ZNF124: variants seen among roughly 807,000 people sequenced by gnomAD.
ZNF124 encodes zinc finger protein 124.
In ZNF124, 25 loss-of-function variants were observed where a neutral mutation model predicts 26.6. That is an observed-to-expected ratio of 0.94 (90% confidence interval 0.68 to 1.31). The LOEUF is 1.31. Among genes scored for constraint, ZNF124 ranks in the 40% most tolerant of loss-of-function variants. The pLI is 0.00. For missense variants in ZNF124, 444 were observed against 422.2 expected (o/e 1.05, Z -0.45); for synonymous variants, 129 against 133.3 (o/e 0.97, Z 0.22).
intron 1 of ZNF124, among the ~76,000 whole-genome samples, chr1:247,169,447 A>C (rs1157966840): frequency 6.6e-6 from 1 of 152,170 alleles, no homozygotes; most frequent in East Asian, 1.9e-4. Flanking sequence ...ACAAGTGTGA[A>C]AGAATCCAGA....
chr1:247,152,929 C>G (rs1672984759), downstream of ZNF124, among the ~76,000 whole-genome samples: 2 of 152,068 alleles, frequency 1.3e-5, no homozygotes, highest in Non-Finnish European at 2.9e-5. Flanking sequence ...GTCAGGAGAT[C>G]AAGACCATCC....
At chr1:247,158,708 C>T (rs146401773) in intron 3 of ZNF124, among the ~76,000 whole-genome samples, 59 of 152,086 alleles carry the variant, frequency 3.9e-4, no homozygotes, top group African/African-American at 1.4e-3. Context: ...CAGCTCATTG[C>T]AACCTCCGCC....
At chr1:247,159,209 G>T in intron 2 of ZNF124, 143 bp from the exon 3 acceptor site, 1 of 676,276 alleles carries the variant, frequency 1.5e-6, no homozygotes, top group East Asian at 2.8e-5. Context: ...AACATTGTTT[G>T]TGTTATGGGT....
At chr1:247,124,655 TTC>T (rs1408790420) in intron 3 of ZNF124, among the ~76,000 whole-genome samples, 3 of 152,252 alleles carry the variant, frequency 2.0e-5, no homozygotes, top group Non-Finnish European at 4.4e-5. Context: ...CTAATCTACT[TTC>T]TGTCTCTATT....
At chr1:247,138,932 C>A (rs1423096479) in intron 3 of ZNF124, among the ~76,000 whole-genome samples, 1 of 152,248 alleles carries the variant, frequency 6.6e-6, no homozygotes. Flanking sequence ...CTGACTGCCT[C>A]ATTTTGGAGA....
chr1:247,149,075 G>A (rs1672860017), intron 3 of ZNF124, among the ~76,000 whole-genome samples: 2 of 152,114 alleles, frequency 1.3e-5, no homozygotes, highest in African/African-American at 4.8e-5. Flanking sequence ...AAATTGTCCA[G>A]GTATTTATTT....
chr1:247,133,222 A>G (rs1400851834), intron 3 of ZNF124, among the ~76,000 whole-genome samples: 1 of 152,166 alleles, frequency 6.6e-6, no homozygotes, highest in East Asian at 1.9e-4. Flanking sequence ...GAAATAAGAC[A>G]TGCAGACAAG....
intron 3 of ZNF124, among the ~76,000 whole-genome samples, chr1:247,140,313 TG>T (rs1672594644): frequency 6.6e-6 from 1 of 152,254 alleles, no homozygotes; most frequent in Non-Finnish European, 1.5e-5. Flanking sequence ...TCTTGTAGTG[TG>T]TTTTTCTGCT....
At position 247,157,934 on chromosome 1, in the gene ZNF124, TG is replaced by T. The variant is rs539961802; in HGVS notation, c.219-532del. 8.8e-5 allele frequency among the ~76,000 whole-genome samples: 13 copies of T among 148,344 alleles called. 1 individual carries two copies. The South Asian group carries it at 2.6e-3, about 29-fold the overall frequency. On this transcript the variant is annotated intron_variant, in intron 3 of 3. Coordinates refer to ENST00000543802, the MANE Select transcript of ZNF124 (RefSeq NM_001297568.2). ...AGTGACTTCTCGCTCTATTAGTTCCTGAAAGATCCGATTGTTAAAAAAAAAA... is the reference window on the plus strand; with the variant it reads ...AGTGACTTCTCGCTCTATTAGTTCCTAAAGATCCGATTGTTAAAAAAAAAA...
chr1:247,157,008 G>A lies in ZNF124; in HGVS notation c.614C>T (p.Pro205Leu). 1 of 1,613,828 alleles carries A rather than the reference G, an allele frequency of 6.2e-7. No individual in the cohort carries two copies. The highest frequency in any genetic ancestry group is 8.5e-7 in the Non-Finnish European group (1 of 1,179,950). ...TTTCCCACAGTGCTTACATTCATAG[G>A]GTTTCTCTCCAGTATGAGTTCTTTC... ...DHERTHTGEK[P>L]YECKHCGKAF... is the part of the protein sequence containing the mutation. The change falls in exon 4 of 4, where the codon CCC becomes CTC. Residue 205 changes from proline to leucine, a missense_variant. Transcript: ENST00000543802.
At chr1:247,149,727 A>G (rs954087780) in intron 3 of ZNF124, 5 of 152,252 alleles carry the variant, frequency 3.3e-5, no homozygotes, top group East Asian at 1.9e-4. Context: ...ACTTTCAGTT[A>G]TAAGATGAAT....
At chr1:247,130,162 G>C (rs1176981630) in intron 3 of ZNF124, among the ~76,000 whole-genome samples, 1 of 152,190 alleles carries the variant, frequency 6.6e-6, no homozygotes, top group Non-Finnish European at 1.5e-5. Flanking sequence ...TATCAGTACA[G>C]CTTGAGAGAT....
intron 3 of ZNF124, among the ~76,000 whole-genome samples, chr1:247,148,978 G>GA (rs1048387448): frequency 9.4e-4 from 133 of 141,776 alleles, no homozygotes; most frequent in African/African-American, 1.3e-3. Context: ...TCAAAAAAAA[G>GA]AAAAAAAAAA....
chr1:247,128,631 T>TC (rs1672272335), intron 3 of ZNF124, among the ~76,000 whole-genome samples: 1 of 151,406 alleles, frequency 6.6e-6, no homozygotes, highest in South Asian at 2.1e-4. Flanking sequence ...TTTTTTTTTT[T>TC]CTCTTACCCC....
At chr1:247,153,999 A>T (rs936599230), downstream of ZNF124, among the ~76,000 whole-genome samples, 1 of 152,204 alleles carries the variant, frequency 6.6e-6, no homozygotes, top group African/African-American at 2.4e-5. Context: ...CAAGAGAAAA[A>T]GCAGCACAGA....
chr1:247,167,505 A>G (rs1416929709), intron 1 of ZNF124, among the ~76,000 whole-genome samples: 1 of 152,182 alleles, frequency 6.6e-6, no homozygotes, highest in Admixed American at 6.5e-5. Flanking sequence ...GATTTTTCCT[A>G]TTTCTCTTCC....
chr1:247,127,759 A>C (rs896357004), intron 3 of ZNF124, among the ~76,000 whole-genome samples: 1 of 149,142 alleles, frequency 6.7e-6, no homozygotes, highest in African/African-American at 2.5e-5. Context: ...ACCCCCTTAG[A>C]GCTGTAAGCC....
At chr1:247,153,837 C>T (rs1215366560), downstream of ZNF124, among the ~76,000 whole-genome samples, 4 of 152,158 alleles carry the variant, frequency 2.6e-5, no homozygotes, top group African/African-American at 4.8e-5. Context: ...GCCATGCTAA[C>T]GAAAGCCCCC....
chr1:247,166,644 A>C (rs897798017), intron 1 of ZNF124, among the ~76,000 whole-genome samples: 2 of 152,262 alleles, frequency 1.3e-5, no homozygotes, highest in African/African-American at 4.8e-5. Context: ...AGGGCACACC[A>C]GCAAGTTGGA....
Sources: allele counts gnomAD v4.1 joint callset (sites outside exome capture counted in the v4.1 genomes callset), GRCh38; gene constraint gnomAD v4.1.1; transcripts MANE v1.5; gene names NCBI Gene and HGNC (gene_info 2026-07-23, HGNC 2026-07-21).